The following NEURL1B variants were observed in gnomAD, a reference collection of about 807,000 sequenced individuals.
NEURL1B encodes E3 ubiquitin-protein ligase NEURL1B.
A neutral mutation model predicts 37.4 loss-of-function variants in NEURL1B; 13 were observed. The ratio of observed to expected loss-of-function variants is 0.35; its 90% CI spans 0.23 to 0.55. The LOEUF (loss-of-function observed/expected upper bound fraction) is 0.55. Among genes scored for constraint, NEURL1B ranks in the 20% least tolerant of loss-of-function variants. NEURL1B has a pLI of 0.89. For missense variants in NEURL1B, 790 were observed against 879.2 expected (o/e 0.90, Z 1.28); for synonymous variants, 432 against 426.6 (o/e 1.01, Z -0.16).
chr5:172,684,694 A>G (rs1411768854), intron 3 of NEURL1B, among the ~76,000 whole-genome samples: 1 of 152,198 alleles, frequency 6.6e-6, no homozygotes, highest in Non-Finnish European at 1.5e-5. Context: ...CATGCCACAA[A>G]TAGGCAGGAG....
rs1017414673 is a variant in NEURL1B at position 172,641,551 on chromosome 5, G to T, written c.31+114G>T. 132 of 945,268 alleles carry T rather than the reference G, an allele frequency of 1.4e-4. No individual in the cohort carries two copies. In the South Asian group the frequency reaches 2.5e-3, roughly 18 times the overall value. The allele number at this position is 945,268 out of a possible 1,614,324, so 58.6% of individuals were successfully genotyped here. ...GCCCTTGGAGCCCTCGGCTCGCAGC[G>T]GGCTGGAGTCTCCGGTACCTCCCGG... On this transcript the variant is annotated intron_variant, in intron 1 of 4. Transcript: ENST00000369800. The surrounding 1 kb of genome is among the most constrained non-coding windows in gnomAD (Gnocchi z 6.4).
intron 2 of NEURL1B, among the ~76,000 whole-genome samples, chr5:172,670,799 A>T (rs948123892): frequency 6.6e-6 from 1 of 152,190 alleles, no homozygotes; most frequent in African/African-American, 2.4e-5. Flanking sequence ...TTAGTCGTTC[A>T]TTCACTCATT....
intron 2 of NEURL1B, among the ~76,000 whole-genome samples, chr5:172,674,131 C>T (rs1292555983): frequency 6.9e-6 from 1 of 145,940 alleles, no homozygotes; most frequent in Non-Finnish European, 1.5e-5. Context: ...CAGAGCAAAA[C>T]TCCATCTCAA....
chr5:172,643,761 A>G (rs886577291), intron 1 of NEURL1B, among the ~76,000 whole-genome samples: 1 of 152,198 alleles, frequency 6.6e-6, no homozygotes, highest in Non-Finnish European at 1.5e-5. Flanking sequence ...TCTCAGGAAA[A>G]GGACACATGC....
chr5:172,674,886 A>C (rs141093224), intron 2 of NEURL1B, among the ~76,000 whole-genome samples: 128 of 152,158 alleles, frequency 8.4e-4, no homozygotes, highest in Non-Finnish European at 1.7e-3. Flanking sequence ...CCATGAATGT[A>C]TCTTTTGGAG....
chr5:172,669,714 TAAGTA>T (rs374552498), intron 1 of NEURL1B, 66 bp from the exon 2 acceptor site: 1 of 1,064,640 alleles, frequency 9.4e-7, no homozygotes, highest in African/African-American at 1.7e-5. Flanking sequence ...AAATGATTGT[TAAGTA>T]AAGACCAATC....
rs1293020976 is a variant in NEURL1B at position 172,690,770 on chromosome 5, G to A, written c.*3845G>A. 1 of 152,264 alleles carries A rather than the reference G, an allele frequency of 6.6e-6. No individual in the cohort carries two copies. The highest frequency in any genetic ancestry group is 2.4e-5 in the African/African-American group (1 of 41,424). 9.4% of individuals were successfully genotyped at this position (152,264 alleles called of 1,614,324 possible). On this transcript the variant is annotated 3_prime_UTR_variant, in exon 5 of 5. Transcript: ENST00000369800. ...ATGCTGGGCACATTGCAGTCAGTGA[G>A]CTGCTGCCAAAACGGCGTTAAGTAG...
At chr5:172,658,774 G>A (rs577083358) in intron 1 of NEURL1B, among the ~76,000 whole-genome samples, 5 of 152,150 alleles carry the variant, frequency 3.3e-5, no homozygotes, top group Admixed American at 2.0e-4. Flanking sequence ...CTCCATCACC[G>A]TCAGGAGGTT....
Position 172,686,552 on chromosome 5 carries a change from C to A in NEURL1B, c.1424-129C>A. The A allele has an allele frequency of 8.7e-7, 1 of 1,151,342 alleles. No individual in the cohort carries two copies. The highest frequency in any genetic ancestry group is 1.2e-6 in the Non-Finnish European group (1 of 825,684). The allele number at this position is 1,151,342 out of a possible 1,614,324, so 71.3% of individuals were successfully genotyped here. On this transcript the variant is annotated intron_variant, in intron 4 of 4. Coordinates refer to ENST00000369800, the MANE Select transcript of NEURL1B (RefSeq NM_001142651.3). The surrounding 1 kb of genome is among the most constrained non-coding windows in gnomAD (Gnocchi z 7.9). ...AGGTGCAAAACCTGCAAGGTAAACT[C>A]AAATTAGTATCTCCCAAAAGTATTC...
At chr5:172,644,138 C>T (rs540811227) in intron 1 of NEURL1B, among the ~76,000 whole-genome samples, 18 of 152,264 alleles carry the variant, frequency 1.2e-4, no homozygotes, top group East Asian at 9.6e-4. Context: ...CACTGCTATA[C>T]GTTTAGCACC....
At chr5:172,681,192 A>T (rs1167046895) in intron 2 of NEURL1B, among the ~76,000 whole-genome samples, 1 of 152,216 alleles carries the variant, frequency 6.6e-6, no homozygotes, top group Non-Finnish European at 1.5e-5. Context: ...AACACTAGGG[A>T]TTACAATTTG....
rs868489409 is a variant in NEURL1B at position 172,661,120 on chromosome 5, T to G, written c.32-8665T>G. On this transcript the variant is annotated intron_variant, in intron 1 of 4. Transcript: ENST00000369800. The surrounding 1 kb of genome is among the most constrained non-coding windows in gnomAD (Gnocchi z 4.0). ...CAACACACATGAGCACCATGTTGCT[T>G]CCTACTGCCAACAGTGCTGGTTTAC... Among the ~76,000 whole-genome samples the G allele has an allele frequency of 5.9e-5, 9 of 152,204 alleles. No individual in the cohort carries two copies. Among genetic ancestry groups the G allele is most frequent in the South Asian group, 4.1e-4 (2 of 4,832 alleles).
chr5:172,648,805 C>T (rs1411547328), intron 1 of NEURL1B, among the ~76,000 whole-genome samples: 1 of 152,220 alleles, frequency 6.6e-6, no homozygotes, highest in African/African-American at 2.4e-5. Context: ...AGGGTGGGGG[C>T]CCTCTCCAGG....
At chr5:172,663,332 C>A (rs1757938957) in intron 1 of NEURL1B, among the ~76,000 whole-genome samples, 1 of 151,710 alleles carries the variant, frequency 6.6e-6, no homozygotes, top group African/African-American at 2.4e-5. Context: ...ACCAGCCTGG[C>A]CAATATGGTG....
intron 1 of NEURL1B, among the ~76,000 whole-genome samples, chr5:172,648,070 G>A (rs1757592756): frequency 6.6e-6 from 1 of 152,188 alleles, no homozygotes; most frequent in Non-Finnish European, 1.5e-5. Context: ...GGTGAGAAGT[G>A]TCCTGTCCCC....
chr5:172,685,904 G>A (rs72809922), intron 3 of NEURL1B, among the ~76,000 whole-genome samples: 1 of 152,128 alleles, frequency 6.6e-6, no homozygotes, highest in Non-Finnish European at 1.5e-5. Context: ...CTGTTGGCCT[G>A]GCCCTTATCC....
At position 172,657,294 on chromosome 5, in the gene NEURL1B, A is replaced by G. The variant is rs1757815180; in HGVS notation, c.32-12491A>G. 2.0e-5 allele frequency among the ~76,000 whole-genome samples: 3 copies of G among 152,282 alleles called. No individual in the cohort carries two copies. In the South Asian group the frequency reaches 6.2e-4, roughly 32 times the overall value. ...GTCAGATCGCCAGAACTTAGGACACATGGGATGGAGATTCTAATCAGGGCT... is the reference window on the plus strand; with the variant it reads ...GTCAGATCGCCAGAACTTAGGACACGTGGGATGGAGATTCTAATCAGGGCT... On this transcript the variant is annotated intron_variant, in intron 1 of 4. Coordinates refer to ENST00000369800, the MANE Select transcript of NEURL1B (RefSeq NM_001142651.3). The surrounding 1 kb of genome is among the most constrained non-coding windows in gnomAD (Gnocchi z 4.0).
At position 172,689,937 on chromosome 5, in the gene NEURL1B, CTT is replaced by C. The variant is rs779793878; in HGVS notation, c.*3013_*3014del. 1 of 152,276 alleles carries C rather than the reference CTT, an allele frequency of 6.6e-6. No homozygotes were observed. Among genetic ancestry groups the C allele is most frequent in the Non-Finnish European group, 1.5e-5 (1 of 68,086 alleles). 9.4% of individuals were successfully genotyped at this position (152,276 alleles called of 1,614,324 possible). ...CTGGACTCCAACCCAAGGGCCCTCT[CTT>C]GTTATTCAGGGGTGTCCACAGTTAG... On this transcript the variant is annotated 3_prime_UTR_variant, in exon 5 of 5. Coordinates refer to ENST00000369800, the MANE Select transcript of NEURL1B (RefSeq NM_001142651.3).
chr5:172,675,059 G>T lies in NEURL1B; in HGVS notation c.577+4729G>T, dbSNP rs887310078. Among the ~76,000 whole-genome samples, 3 of 152,016 alleles carry T rather than the reference G, an allele frequency of 2.0e-5. No homozygotes were observed. The highest frequency in any genetic ancestry group is 7.3e-5 in the African/African-American group (3 of 41,376). ...TAATTTTTGTATTTTTAGTAAAGATGGGGTTTCTACTGGGTACCTGTTGGT... is the reference window on the plus strand; with the variant it reads ...TAATTTTTGTATTTTTAGTAAAGATTGGGTTTCTACTGGGTACCTGTTGGT... On this transcript the variant is annotated intron_variant, in intron 2 of 4. Coordinates refer to ENST00000369800, the MANE Select transcript of NEURL1B (RefSeq NM_001142651.3). The surrounding 1 kb of genome is among the most constrained non-coding windows in gnomAD (Gnocchi z 4.7).
Sources: allele counts gnomAD v4.1 joint callset (sites outside exome capture counted in the v4.1 genomes callset), GRCh38; gene constraint gnomAD v4.1.1; non-coding constraint Gnocchi (gnomAD v3.1); transcripts MANE v1.5; gene names NCBI Gene and HGNC (gene_info 2026-07-23, HGNC 2026-07-21).